PARD3: variants seen among roughly 807,000 people sequenced by gnomAD.
PARD3 encodes the protein partitioning defective 3 homolog.
In PARD3, 75 loss-of-function variants were observed where a neutral mutation model predicts 155.4. The ratio of observed to expected loss-of-function variants is 0.48; its 90% confidence interval spans 0.40 to 0.58. The LOEUF (loss-of-function observed/expected upper bound fraction) is 0.58. Ranked by LOEUF, PARD3 falls within the 20% of genes least tolerant of loss-of-function variation. PARD3 has a pLI of 0.00. For synonymous variants in PARD3, 576 were observed against 610.5 expected (o/e 0.94, Z 0.83); for missense variants, 1,642 against 1,721.7 (o/e 0.95, Z 0.82).
chr10:34,693,155 T>G (rs1054982131), intron 2 of PARD3, among the ~76,000 whole-genome samples: 2 of 152,216 alleles, frequency 1.3e-5, no homozygotes, highest in African/African-American at 4.8e-5. Flanking sequence ...CTGGTGGGAA[T>G]GTAAATTAGT....
intron 4 of PARD3, among the ~76,000 whole-genome samples, chr10:34,451,455 T>G (rs984848695): frequency 1.3e-5 from 2 of 152,160 alleles, no homozygotes; most frequent in African/African-American, 4.8e-5. Flanking sequence ...TTACTCTTCA[T>G]GTGCTAAACT....
chr10:34,632,962 C>T (rs2092330898), intron 2 of PARD3, among the ~76,000 whole-genome samples: 3 of 152,338 alleles, frequency 2.0e-5, no homozygotes, highest in South Asian at 4.1e-4. Flanking sequence ...GGGAGGCCAA[C>T]CTGCAGGCCA....
At chr10:34,366,583 G>A (rs192323855) in intron 12 of PARD3, among the ~76,000 whole-genome samples, 5 of 152,186 alleles carry the variant, frequency 3.3e-5, no homozygotes, top group East Asian at 1.9e-4. Context: ...CCATCATAGC[G>A]TCACGCAGAA....
chr10:34,631,635 G>T (rs745757352), intron 2 of PARD3, among the ~76,000 whole-genome samples: 5 of 152,032 alleles, frequency 3.3e-5, no homozygotes, highest in African/African-American at 7.3e-5. Context: ...AATATATAAT[G>T]TTCTGTCACC....
intron 22 of PARD3, among the ~76,000 whole-genome samples, chr10:34,203,483 G>A (rs1253014093): frequency 2.6e-5 from 4 of 152,182 alleles, no homozygotes; most frequent in Non-Finnish European, 5.9e-5. Flanking sequence ...ATCCACGGAT[G>A]TGCAAGTCTA....
At chr10:34,346,569 A>T (rs1371935924) in intron 15 of PARD3, 2 of 1,192,692 alleles carry the variant, frequency 1.7e-6, no homozygotes, top group Non-Finnish European at 2.2e-6. Flanking sequence ...AATTTAACAA[A>T]GATAAAGATT....
intron 11 of PARD3, among the ~76,000 whole-genome samples, chr10:34,372,777 T>G (rs925066517): frequency 2.0e-5 from 3 of 152,166 alleles, no homozygotes; most frequent in Non-Finnish European, 4.4e-5. Flanking sequence ...TCATTCACAG[T>G]ACATCATGAA....
chr10:34,709,417 G>A (rs1041457185), intron 1 of PARD3, among the ~76,000 whole-genome samples: 4 of 152,094 alleles, frequency 2.6e-5, no homozygotes, highest in African/African-American at 9.7e-5. Context: ...CACACACGCA[G>A]GAATAAATAT....
intron 1 of PARD3, among the ~76,000 whole-genome samples, chr10:34,770,114 T>C (rs985009603): frequency 7.2e-5 from 11 of 152,174 alleles, no homozygotes; most frequent in African/African-American, 2.4e-4. Flanking sequence ...CCTTATCTTC[T>C]GCCTGCAGAC....
chr10:34,393,631 C>T (rs904858962), intron 7 of PARD3, among the ~76,000 whole-genome samples: 28 of 151,812 alleles, frequency 1.8e-4, no homozygotes, highest in African/African-American at 6.8e-4. Flanking sequence ...CCGCTCACAC[C>T]TGTAATCCCA....
chr10:34,370,433 T>G (rs1293441298), intron 12 of PARD3, among the ~76,000 whole-genome samples: 1 of 152,044 alleles, frequency 6.6e-6, no homozygotes, highest in African/African-American at 2.4e-5. Flanking sequence ...CTACATGTTT[T>G]TTATTGTTGT....
intron 20 of PARD3, among the ~76,000 whole-genome samples, chr10:34,301,355 TAA>T (rs1957136798): frequency 6.6e-6 from 1 of 152,164 alleles, no homozygotes; most frequent in African/African-American, 2.4e-5. Context: ...TCTAATTAAT[TAA>T]AAACACATCC....
At position 34,739,749 on chromosome 10, in the gene PARD3, A is replaced by C. The variant is rs374467394; in HGVS notation, c.121-43330T>G. On this transcript the variant is annotated intron_variant, in intron 1 of 24. Transcript: ENST00000374788. ...TGCATCCTAAACTACTGAGTTCAGT[A>C]TGATATTCAATAAAGTGGGAGCAGG... Among the ~76,000 whole-genome samples, 6 of 152,230 alleles carry C rather than the reference A, an allele frequency of 3.9e-5. No homozygotes were observed. In the East Asian group the frequency reaches 1.2e-3, roughly 29 times the overall value.
At chr10:34,662,516 A>G (rs1256668775) in intron 2 of PARD3, among the ~76,000 whole-genome samples, 2 of 152,230 alleles carry the variant, frequency 1.3e-5, no homozygotes, top group Non-Finnish European at 1.5e-5. Context: ...GTTTCCATCA[A>G]CAGATGAATG....
chr10:34,122,231 G>A (rs1588843768), intron 23 of PARD3, among the ~76,000 whole-genome samples: 1 of 152,212 alleles, frequency 6.6e-6, no homozygotes, highest in African/African-American at 2.4e-5. Flanking sequence ...GTGCTGTTCT[G>A]TGACAAGCTG....
chr10:34,277,233 C>T (rs910143706), intron 21 of PARD3, among the ~76,000 whole-genome samples: 2 of 152,110 alleles, frequency 1.3e-5, no homozygotes, highest in Non-Finnish European at 2.9e-5. Context: ...TGGAAAGAAC[C>T]GTCTGTTGAG....
At chr10:34,248,844 A>AACAC (rs145911902) in intron 22 of PARD3, among the ~76,000 whole-genome samples, 9 of 152,162 alleles carry the variant, frequency 5.9e-5, no homozygotes, top group Non-Finnish European at 1.3e-4. Flanking sequence ...TGTTAACTCC[A>AACAC]ACACACACAC....
At chr10:34,449,142 C>T (rs2076918725) in intron 5 of PARD3, among the ~76,000 whole-genome samples, 1 of 151,824 alleles carries the variant, frequency 6.6e-6, no homozygotes. Context: ...TGGTCTCGAT[C>T]TCCTGACCTC....
intron 22 of PARD3, among the ~76,000 whole-genome samples, chr10:34,151,297 G>A (rs1370022953): frequency 6.6e-6 from 1 of 152,112 alleles, no homozygotes; most frequent in Admixed American, 6.5e-5. Context: ...TGACAGTAAG[G>A]AGCCAAAGGA....
Sources: allele counts gnomAD v4.1 joint callset (sites outside exome capture counted in the v4.1 genomes callset), GRCh38; gene constraint gnomAD v4.1.1; transcripts MANE v1.5; gene names NCBI Gene and HGNC (gene_info 2026-07-23, HGNC 2026-07-21).